The following FRMD4B variants were observed in gnomAD, a reference collection of about 807,000 sequenced individuals.
FRMD4B encodes the protein FERM domain-containing protein 4B.
FRMD4B carries 74 observed loss-of-function variants against 141.5 expected under a neutral mutation model. The observed-to-expected ratio is 0.52, with a 90% CI of 0.43 to 0.63. The LOEUF is 0.63. Among genes scored for constraint, FRMD4B ranks in the 30% least tolerant of loss-of-function variants. The pLI, the probability that FRMD4B is intolerant of heterozygous loss-of-function variation, is 0.00. For missense variants in FRMD4B, 1,366 were observed against 1,253.4 expected (o/e 1.09, Z -1.36); for synonymous variants, 506 against 467.9 (o/e 1.08, Z -1.05).
At chr3:69,348,495 A>T (rs1459364517) in intron 1 of FRMD4B, among the ~76,000 whole-genome samples, 4 of 152,194 alleles carry the variant, frequency 2.6e-5, no homozygotes, top group African/African-American at 7.2e-5. Flanking sequence ...GAGGCCAGCA[A>T]CATCCTGATA....
At chr3:69,267,636 TAGAGAGAGAGAGAGAGAGAGAGAGAGAG>T (rs55659743) in intron 5 of FRMD4B, among the ~76,000 whole-genome samples, 2 of 33,014 alleles carry the variant, frequency 6.1e-5, no homozygotes, top group African/African-American at 2.6e-4. Context: ...TATATATATA[TAGAGAGAGAGAGAGAGAGAGAGAGAGAG>T]AGAGAGAGAG....
chr3:69,436,792 T>C (rs1705267512), intron 1 of FRMD4B, among the ~76,000 whole-genome samples: 2 of 152,182 alleles, frequency 1.3e-5, no homozygotes, highest in African/African-American at 4.8e-5. Flanking sequence ...CTGATATATG[T>C]TACAACATAA....
At chr3:69,382,096 G>T (rs1704132743) in intron 1 of FRMD4B, among the ~76,000 whole-genome samples, 1 of 152,172 alleles carries the variant, frequency 6.6e-6, no homozygotes, top group Non-Finnish European at 1.5e-5. Context: ...TTGGAGTGCA[G>T]TGGTGTGATC....
intron 1 of FRMD4B, among the ~76,000 whole-genome samples, chr3:69,531,927 G>C (rs1280941166): frequency 6.6e-6 from 1 of 152,198 alleles, no homozygotes. Context: ...GGCAGTAAAA[G>C]AGCAGCTAGA....
At chr3:69,484,500 G>A (rs1040669140) in intron 1 of FRMD4B, among the ~76,000 whole-genome samples, 1 of 152,140 alleles carries the variant, frequency 6.6e-6, no homozygotes, top group Admixed American at 6.6e-5. Flanking sequence ...ACAAGATGAA[G>A]AGGAGATTTA....
chr3:69,484,133 C>G (rs1382129647), intron 1 of FRMD4B, among the ~76,000 whole-genome samples: 5 of 152,124 alleles, frequency 3.3e-5, no homozygotes, highest in Non-Finnish European at 7.3e-5. Flanking sequence ...ATGTTTTGAG[C>G]AAGGGATGGG....
At chr3:69,478,848 T>C (rs1027429360) in intron 1 of FRMD4B, among the ~76,000 whole-genome samples, 64 of 152,020 alleles carry the variant, frequency 4.2e-4, no homozygotes, top group African/African-American at 1.5e-3. Context: ...CTAAGTCTCT[T>C]TGTTGGTCAC....
intron 13 of FRMD4B, chr3:69,196,639 C>T: frequency 1.7e-6 from 1 of 573,074 alleles, no homozygotes; most frequent in Non-Finnish European, 3.0e-6. Flanking sequence ...TGAAGTGTCA[C>T]CGGCAACATC....
intron 11 of FRMD4B, among the ~76,000 whole-genome samples, chr3:69,201,118 C>T (rs1316360995): frequency 6.6e-6 from 1 of 152,042 alleles, no homozygotes; most frequent in Non-Finnish European, 1.5e-5. Flanking sequence ...GTTATGGGAA[C>T]AAGACTGGGT....
intron 1 of FRMD4B, among the ~76,000 whole-genome samples, chr3:69,371,045 T>C (rs538802999): frequency 6.6e-6 from 1 of 152,274 alleles, no homozygotes; most frequent in African/African-American, 2.4e-5. Context: ...AATATATTCA[T>C]AGAGTCAGGT....
intron 1 of FRMD4B, among the ~76,000 whole-genome samples, chr3:69,451,412 G>A (rs571922481): frequency 1.6e-4 from 24 of 152,206 alleles, no homozygotes; most frequent in Admixed American, 3.3e-4. Flanking sequence ...GCCTGGATCA[G>A]TGGAAGAATA....
At chr3:69,230,065 C>T (rs752867116) in intron 7 of FRMD4B, among the ~76,000 whole-genome samples, 8 of 152,042 alleles carry the variant, frequency 5.3e-5, no homozygotes, top group Non-Finnish European at 8.8e-5. Context: ...CAACCTCTGC[C>T]TCCCAGGTTC....
At chr3:69,251,724 G>C (rs1340727416) in intron 5 of FRMD4B, among the ~76,000 whole-genome samples, 1 of 152,172 alleles carries the variant, frequency 6.6e-6, no homozygotes, top group Non-Finnish European at 1.5e-5. Context: ...CAAAATCAAA[G>C]GGAAGCCAGG....
chr3:69,534,865 TAAG>T (rs1285379038), intron 1 of FRMD4B, among the ~76,000 whole-genome samples: 1 of 152,196 alleles, frequency 6.6e-6, no homozygotes, highest in African/African-American at 2.4e-5. Context: ...AAAGGATTTG[TAAG>T]AAGAAAGAAA....
chr3:69,522,393 T>C (rs1187946666), intron 1 of FRMD4B, among the ~76,000 whole-genome samples: 7 of 152,146 alleles, frequency 4.6e-5, no homozygotes, highest in Admixed American at 3.3e-4. Flanking sequence ...TGAGTTATTA[T>C]GGGCAAGCAG....
chr3:69,348,175 C>A (rs998203364), intron 1 of FRMD4B, among the ~76,000 whole-genome samples: 3 of 152,184 alleles, frequency 2.0e-5, no homozygotes, highest in African/African-American at 7.2e-5. Context: ...CACAGAAATA[C>A]AAACTACCAT....
intron 7 of FRMD4B, among the ~76,000 whole-genome samples, chr3:69,245,317 TTGTGTGTGTGTG>T (rs67220182): frequency 1.3e-4 from 19 of 143,056 alleles, no homozygotes; most frequent in Admixed American, 4.2e-4. Flanking sequence ...CTGACTTTCT[TTGTGTGTGTGTG>T]TGTGTGTGTG....
At chr3:69,207,653 C>T (rs556425532) in intron 11 of FRMD4B, among the ~76,000 whole-genome samples, 99 of 152,044 alleles carry the variant, frequency 6.5e-4, no homozygotes, top group Non-Finnish European at 9.9e-4. Flanking sequence ...ACTAAAAATA[C>T]AAAAATTAGC....
chr3:69,455,766 T>C (rs778242595), intron 1 of FRMD4B, among the ~76,000 whole-genome samples: 1 of 152,206 alleles, frequency 6.6e-6, no homozygotes, highest in Non-Finnish European at 1.5e-5. Flanking sequence ...CACTTTGTAA[T>C]TCCAATTTTT....
Sources: allele counts gnomAD v4.1 joint callset (sites outside exome capture counted in the v4.1 genomes callset), GRCh38; gene constraint gnomAD v4.1.1; transcripts MANE v1.5; gene names NCBI Gene and HGNC (gene_info 2026-07-23, HGNC 2026-07-21).